Variants in SDK1 observed in about 807,000 individuals in gnomAD.
SDK1 encodes the protein sidekick cell adhesion molecule 1.
Under a neutral mutation model 245.5 loss-of-function variants are expected in SDK1, and 157 were observed. That is an observed-to-expected ratio of 0.64 (90% CI 0.56 to 0.73). The LOEUF is 0.73. Among genes scored for constraint, SDK1 ranks in the 30% least tolerant of loss-of-function variants. The pLI is 0.00. For synonymous variants in SDK1, 1,647 were observed against 1,278.5 expected, an observed-to-expected ratio of 1.29 and a Z score of -6.15; for missense variants, 3,583 against 3,002.3, an observed-to-expected ratio of 1.19 and a Z score of -4.52.
At chr7:3,510,157 G>A (rs1782533116) in intron 1 of SDK1, among the ~76,000 whole-genome samples, 1 of 152,162 alleles carries the variant, frequency 6.6e-6, no homozygotes, top group Non-Finnish European at 1.5e-5. Context: ...GCCTGGACCT[G>A]GATATTTTTT....
intron 1 of SDK1, among the ~76,000 whole-genome samples, chr7:3,568,406 T>C (rs1325752563): frequency 6.6e-6 from 1 of 152,164 alleles, no homozygotes. Flanking sequence ...CTTCTTTATA[T>C]TGTGGTATAT....
chr7:3,769,960 G>A (rs1235173984), intron 4 of SDK1, among the ~76,000 whole-genome samples: 7 of 151,610 alleles, frequency 4.6e-5, no homozygotes, highest in Non-Finnish European at 8.8e-5. Flanking sequence ...GTGTGTGTGT[G>A]TGTGTGTGTA....
chr7:3,732,270 G>T (rs917266589), intron 4 of SDK1, among the ~76,000 whole-genome samples: 3 of 152,148 alleles, frequency 2.0e-5, no homozygotes, highest in African/African-American at 7.2e-5. Flanking sequence ...TCAAATTGTT[G>T]TGATGAAACG....
chr7:3,785,864 A>C (rs1431690186), intron 4 of SDK1, among the ~76,000 whole-genome samples: 1 of 152,196 alleles, frequency 6.6e-6, no homozygotes, highest in African/African-American at 2.4e-5. Context: ...CATCCTGTTA[A>C]ATGTGAATTT....
chr7:3,769,514 A>G (rs549087350), intron 4 of SDK1, among the ~76,000 whole-genome samples: 88 of 152,264 alleles, frequency 5.8e-4, no homozygotes, highest in African/African-American at 1.9e-3. Flanking sequence ...TTATGATCCA[A>G]TTGCCCCTAA....
chr7:3,722,813 G>A (rs1778861565), intron 4 of SDK1, among the ~76,000 whole-genome samples: 2 of 152,164 alleles, frequency 1.3e-5, no homozygotes, highest in Admixed American at 1.3e-4. Flanking sequence ...CTGAAGCAGG[G>A]TGGGCTTTCT....
chr7:3,913,885 C>T (rs551843636), intron 5 of SDK1, among the ~76,000 whole-genome samples: 2 of 152,270 alleles, frequency 1.3e-5, no homozygotes, highest in South Asian at 4.2e-4. Context: ...ATAAAAATGA[C>T]TGGAGATGAC....
intron 1 of SDK1, among the ~76,000 whole-genome samples, chr7:3,544,774 G>A (rs1779164636): frequency 6.6e-6 from 1 of 152,282 alleles, no homozygotes; most frequent in Admixed American, 6.5e-5. Flanking sequence ...AGAAATCTCA[G>A]TGGCTTAAAG....
intron 38 of SDK1, among the ~76,000 whole-genome samples, chr7:4,218,361 C>T (rs1784952415): frequency 1.3e-5 from 2 of 152,034 alleles, no homozygotes; most frequent in Non-Finnish European, 2.9e-5. Flanking sequence ...CCACTGCACT[C>T]CAGCCTGGAT....
rs533821433 is a variant in SDK1, at chr7:4,100,277, G to A, written c.3325-10386G>A. 3.3e-5 allele frequency among the ~76,000 whole-genome samples: 5 copies of A among 152,296 alleles called. No homozygotes were observed. The East Asian group carries it at 9.7e-4, about 29-fold the overall frequency. Reference sequence around the variant, plus strand: ...GCTCAGACACGGCCCTGGGCTCCTAGGGCAGGGGCCATGGGGGGCAGACAT... The same window carrying A: ...GCTCAGACACGGCCCTGGGCTCCTAAGGCAGGGGCCATGGGGGGCAGACAT... On this transcript the variant is annotated intron_variant, in intron 22 of 44. Coordinates refer to ENST00000404826, the MANE Select transcript of SDK1 (RefSeq NM_152744.4).
chr7:3,554,273 T>C (rs1468940704), intron 1 of SDK1, among the ~76,000 whole-genome samples: 1 of 152,066 alleles, frequency 6.6e-6, no homozygotes, highest in East Asian at 1.9e-4. Context: ...TGGAGTCTAT[T>C]AGAAATCAGT....
At chr7:3,956,996 G>A (rs1478522598) in intron 7 of SDK1, among the ~76,000 whole-genome samples, 1 of 152,206 alleles carries the variant, frequency 6.6e-6, no homozygotes, top group Admixed American at 6.5e-5. Flanking sequence ...GCCGACCATT[G>A]TTATCTATGG....
At chr7:3,585,025 A>G (rs1440207125) in intron 1 of SDK1, among the ~76,000 whole-genome samples, 2 of 152,016 alleles carry the variant, frequency 1.3e-5, no homozygotes, top group African/African-American at 4.8e-5. Flanking sequence ...CGCCCAGCCA[A>G]CTTCACGTTT....
intron 22 of SDK1, among the ~76,000 whole-genome samples, chr7:4,089,594 G>A (rs545365129): frequency 2.0e-5 from 3 of 152,168 alleles, no homozygotes; most frequent in Non-Finnish European, 4.4e-5. Flanking sequence ...ACACCTCCCT[G>A]GGCTGTCTCT....
At chr7:3,663,110 C>A (rs1031154757) in intron 4 of SDK1, among the ~76,000 whole-genome samples, 2 of 152,090 alleles carry the variant, frequency 1.3e-5, no homozygotes, top group Non-Finnish European at 2.9e-5. Flanking sequence ...TATTTTGTTT[C>A]CATATTTGAA....
At chr7:3,949,088 G>C (rs1349750816) in intron 5 of SDK1, among the ~76,000 whole-genome samples, 2 of 152,100 alleles carry the variant, frequency 1.3e-5, no homozygotes, top group Non-Finnish European at 1.5e-5. Context: ...CTGATAACCA[G>C]CCCAGGAATG....
chr7:3,969,366 C>G lies in SDK1; in HGVS notation c.1656C>G (p.Thr552=). ...TCATCCAGGATGCCGGCAACTACAC[C>G]TGCTATGCGGCCAACACAGAGGGCT... ...PVFIQDAGNY[T]CYAANTEGSL... The change falls in exon 11 of 45, where the codon ACC becomes ACG. Residue 552 remains threonine (T), a synonymous_variant. Coordinates refer to ENST00000404826, the MANE Select transcript of SDK1 (RefSeq NM_152744.4). 1 of 1,611,204 alleles carries G rather than the reference C, an allele frequency of 6.2e-7. No individual in the cohort carries two copies. The highest frequency in any genetic ancestry group is 1.1e-5 in the South Asian group (1 of 90,098).
At chr7:3,307,856 G>A (rs888878228) in intron 1 of SDK1, among the ~76,000 whole-genome samples, 1 of 152,056 alleles carries the variant, frequency 6.6e-6, no homozygotes, top group Admixed American at 6.6e-5. Flanking sequence ...GTTCAGAATT[G>A]TTCTACTCTG....
At chr7:3,453,177 C>A (rs1276410354) in intron 1 of SDK1, among the ~76,000 whole-genome samples, 2 of 152,132 alleles carry the variant, frequency 1.3e-5, no homozygotes, top group African/African-American at 4.8e-5. Context: ...TGTGAAGCCT[C>A]TGAACTGGTA....
Sources: gnomAD v4.1 joint callset for allele counts (sites outside exome capture counted in the v4.1 genomes callset) on GRCh38, gnomAD v4.1.1 for gene constraint, MANE v1.5 for transcripts, NCBI Gene and HGNC (gene_info 2026-07-23, HGNC 2026-07-21) for gene names.